The following HNF4A variants were observed in gnomAD, a reference collection of about 807,000 sequenced individuals.
The protein encoded by HNF4A is hepatocyte nuclear factor 4-alpha.
A neutral mutation model predicts 52.4 loss-of-function variants in HNF4A; 15 were observed. The ratio of observed to expected loss-of-function variants is 0.29; its 90% CI spans 0.19 to 0.44. The LOEUF is 0.44. HNF4A is among the 20% of genes least tolerant of loss of function. The pLI is 1.00. For synonymous variants in HNF4A, 280 were observed against 264.4 expected, an observed-to-expected ratio of 1.06 and a Z score of -0.57; for missense variants, 479 against 647.2, an observed-to-expected ratio of 0.74 and a Z score of 2.82.
intron 7 of HNF4A, among the ~76,000 whole-genome samples, chr20:44,422,758 C>T (rs191285270): frequency 3.1e-3 from 471 of 151,252 alleles, no homozygotes; most frequent in South Asian, 0.013. Context: ...TGGCTCACTG[C>T]GACCTCCACC....
chr20:44,394,605 A>G (rs1334803918), intron 1 of HNF4A, among the ~76,000 whole-genome samples: 1 of 152,102 alleles, frequency 6.6e-6, no homozygotes, highest in African/African-American at 2.4e-5. Flanking sequence ...GCTCTCCCCC[A>G]GCTGCCTTTA....
intron 1 of HNF4A, among the ~76,000 whole-genome samples, chr20:44,371,300 G>A (rs894156531): frequency 3.3e-5 from 5 of 152,144 alleles, no homozygotes; most frequent in East Asian, 1.9e-4. Flanking sequence ...TTTTTGAGAC[G>A]GAGTCTCAAT....
At chr20:44,396,815 A>G (rs2146325075), upstream of HNF4A, among the ~76,000 whole-genome samples, 1 of 152,352 alleles carries the variant, frequency 6.6e-6, no homozygotes, top group South Asian at 2.1e-4. Context: ...TAAGGCTGAG[A>G]AAAGTAGAAG....
At chr20:44,427,900 A>T (rs1479910870) in intron 8 of HNF4A, among the ~76,000 whole-genome samples, 1 of 152,204 alleles carries the variant, frequency 6.6e-6, no homozygotes, top group East Asian at 1.9e-4. Context: ...CAGGGGACAC[A>T]TAGATGCTAT....
chr20:44,379,713 G>A (rs967188886), intron 1 of HNF4A, among the ~76,000 whole-genome samples: 8 of 148,944 alleles, frequency 5.4e-5, no homozygotes, highest in African/African-American at 2.0e-4. Flanking sequence ...CATCACACCC[G>A]GATAATTTTT....
upstream of HNF4A, among the ~76,000 whole-genome samples, chr20:44,399,602 C>T (rs927167157): frequency 6.6e-6 from 1 of 152,186 alleles, no homozygotes; most frequent in South Asian, 2.1e-4. Context: ...CCCTGACTCC[C>T]GATTTGCTCA....
At chr20:44,376,311 G>T (rs1293901786) in intron 1 of HNF4A, among the ~76,000 whole-genome samples, 5 of 152,110 alleles carry the variant, frequency 3.3e-5, no homozygotes, top group African/African-American at 9.7e-5. Flanking sequence ...ATCCACGGTT[G>T]CTTGTCATTG....
At chr20:44,422,671 T>C (rs1485709255) in intron 7 of HNF4A, among the ~76,000 whole-genome samples, 2 of 147,604 alleles carry the variant, frequency 1.4e-5, no homozygotes, top group Non-Finnish European at 3.0e-5. Flanking sequence ...AAATATATAT[T>C]TATATATAAA....
chr20:44,358,846 C>T (rs2062888030), intron 1 of HNF4A, among the ~76,000 whole-genome samples: 1 of 152,094 alleles, frequency 6.6e-6, no homozygotes, highest in Non-Finnish European at 1.5e-5. Flanking sequence ...CCAGAGCAAG[C>T]ACGCAAGAAA....
chr20:44,378,271 AT>A (rs71195543), intron 1 of HNF4A, among the ~76,000 whole-genome samples: 2,212 of 138,284 alleles, frequency 0.016, 37 homozygotes, highest in African/African-American at 0.047. Context: ...TTATGCATGT[AT>A]TTTTTTTTTT....
At chr20:44,379,142 G>A (rs1205956372) in intron 1 of HNF4A, among the ~76,000 whole-genome samples, 1 of 151,958 alleles carries the variant, frequency 6.6e-6, no homozygotes, top group Non-Finnish European at 1.5e-5. Flanking sequence ...CCTTTTTAAG[G>A]CTGAATAATA....
intron 1 of HNF4A, among the ~76,000 whole-genome samples, chr20:44,380,415 C>A (rs1045917357): frequency 6.6e-6 from 1 of 152,208 alleles, no homozygotes; most frequent in Non-Finnish European, 1.5e-5. Flanking sequence ...CCACCTCGGC[C>A]TCCCAAGTAA....
At chr20:44,386,268 A>T (rs2063222855) in intron 1 of HNF4A, among the ~76,000 whole-genome samples, 1 of 148,542 alleles carries the variant, frequency 6.7e-6, no homozygotes, top group African/African-American at 2.5e-5. Flanking sequence ...CATGGGTTTA[A>T]GTGATTTTCC....
rs1240512008 is a variant in HNF4A at position 44,413,780 on chromosome 20, G to A, written c.472G>A (p.Ala158Thr). 6 of 1,613,186 alleles carry A rather than the reference G, an allele frequency of 3.7e-6. No individual in the cohort carries two copies. The highest frequency in any genetic ancestry group is 5.1e-6 in the Non-Finnish European group (6 of 1,179,508). ...GCCCTCCATCAATGCGCTCCTGCAG[G>A]CGGAGGTCCTGTCCCGACAGGTACC... Residue 158 changes from alanine to threonine, a missense_variant, in exon 4 of 10, where the codon GCG becomes ACG. By Grantham distance (58) the Ala-to-Thr change is moderately conservative. This residue lies in a region of HNF4A where 389 missense variants were observed against 525.1 expected (regional missense o/e 0.74). Coordinates refer to ENST00000316099, the MANE Select transcript of HNF4A (RefSeq NM_000457.6).
chr20:44,376,861 T>C (rs2063090901), intron 1 of HNF4A, among the ~76,000 whole-genome samples: 1 of 152,106 alleles, frequency 6.6e-6, no homozygotes, highest in Admixed American at 6.6e-5. Flanking sequence ...ATAATAGGTC[T>C]CTGGATCTTT....
At chr20:44,416,164 CA>C (rs2063661893) in intron 5 of HNF4A, among the ~76,000 whole-genome samples, 1 of 152,186 alleles carries the variant, frequency 6.6e-6, no homozygotes, top group African/African-American at 2.4e-5. Context: ...GCTGCCATAT[CA>C]GGGGGTTGAA....
intron 1 of HNF4A, among the ~76,000 whole-genome samples, chr20:44,404,867 G>A (rs1315187184): frequency 5.6e-4 from 4 of 7,184 alleles, no homozygotes; most frequent in Admixed American, 3.5e-3. Flanking sequence ...GTGTGTGCGC[G>A]TGTGTGTGAC....
chr20:44,379,341 G>T (rs1277728444), intron 1 of HNF4A, among the ~76,000 whole-genome samples: 1 of 151,958 alleles, frequency 6.6e-6, no homozygotes, highest in Admixed American at 6.6e-5. Flanking sequence ...TCATATGATA[G>T]TTCTATTTTT....
intron 1 of HNF4A, among the ~76,000 whole-genome samples, chr20:44,404,844 GT>G (rs1568720212): frequency 0.012 from 6 of 490 alleles, no homozygotes; most frequent in East Asian, 0.062. Flanking sequence ...GTGTGTGTGC[GT>G]GACTGTGTGG....
Sources: allele counts gnomAD v4.1 joint callset (sites outside exome capture counted in the v4.1 genomes callset), GRCh38; gene constraint gnomAD v4.1.1; regional missense constraint gnomAD v4.1.1; transcripts MANE v1.5; gene names NCBI Gene and HGNC (gene_info 2026-07-23, HGNC 2026-07-21).